Variants in RIT2 observed in about 807,000 individuals in gnomAD.
The protein encoded by RIT2 is GTP-binding protein Rit2.
In RIT2, 24 loss-of-function variants were observed where a neutral mutation model predicts 23.7. That is an observed-to-expected ratio of 1.01 (90% CI 0.73 to 1.43). The LOEUF is 1.43. Ranked by LOEUF, RIT2 falls within the 40% of genes most tolerant of loss-of-function variation. RIT2 has a pLI of 0.00. For synonymous variants in RIT2, 107 were observed against 91.1 expected (o/e 1.17, Z -0.99); for missense variants, 236 against 266.9 (o/e 0.88, Z 0.81).
At chr18:42,790,176 A>C (rs1208336581) in intron 4 of RIT2, among the ~76,000 whole-genome samples, 3 of 152,118 alleles carry the variant, frequency 2.0e-5, no homozygotes, top group Non-Finnish European at 4.4e-5. Flanking sequence ...ACAAATCCGA[A>C]ATTTCATATT....
chr18:42,767,589 G>T (rs910930837), intron 4 of RIT2, among the ~76,000 whole-genome samples: 2 of 152,130 alleles, frequency 1.3e-5, no homozygotes, highest in South Asian at 4.1e-4. Flanking sequence ...ATGCTGAAAT[G>T]AATTAAGACT....
At chr18:42,743,915 C>T (rs1028186869) in intron 4 of RIT2, among the ~76,000 whole-genome samples, 195 bp from the exon 5 acceptor site, 5 of 152,062 alleles carry the variant, frequency 3.3e-5, no homozygotes, top group Admixed American at 6.6e-5. Context: ...TGCCCTGCCC[C>T]GCCTTAACTG....
At chr18:42,990,845 G>T (rs1490911721) in intron 2 of RIT2, among the ~76,000 whole-genome samples, 1 of 151,778 alleles carries the variant, frequency 6.6e-6, no homozygotes, top group Non-Finnish European at 1.5e-5. Context: ...CCAATAGGAG[G>T]GGGTTGGGAG....
chr18:42,880,804 C>CTT (rs397966126), intron 4 of RIT2, among the ~76,000 whole-genome samples: 3,572 of 115,520 alleles, frequency 0.031, 233 homozygotes, highest in African/African-American at 0.098. Context: ...CTTCCTACCT[C>CTT]TTTTTTTTTT....
intron 4 of RIT2, among the ~76,000 whole-genome samples, chr18:42,839,574 A>G (rs962744366): frequency 6.6e-6 from 1 of 152,218 alleles, no homozygotes; most frequent in Non-Finnish European, 1.5e-5. Context: ...ACTATAATGT[A>G]ACAAAGTCCT....
intron 2 of RIT2, among the ~76,000 whole-genome samples, chr18:43,020,484 T>TAAAAC (rs771268336): frequency 1.8e-4 from 28 of 151,748 alleles, no homozygotes; most frequent in Admixed American, 1.3e-3. Flanking sequence ...AGACTCTGTC[T>TAAAAC]AAAACAAAAC....
intron 3 of RIT2, among the ~76,000 whole-genome samples, chr18:42,937,749 T>A (rs1354791410): frequency 6.6e-6 from 1 of 152,140 alleles, no homozygotes; most frequent in Non-Finnish European, 1.5e-5. Context: ...GGAGTTAACA[T>A]AAGTTGTAAA....
intron 2 of RIT2, among the ~76,000 whole-genome samples, chr18:43,000,992 T>C (rs886170739): frequency 6.6e-6 from 1 of 152,120 alleles, no homozygotes; most frequent in African/African-American, 2.4e-5. Context: ...TCTGCATTTA[T>C]TTAAAACAAT....
At chr18:43,033,065 C>T (rs1161999306) in intron 2 of RIT2, among the ~76,000 whole-genome samples, 6 of 152,118 alleles carry the variant, frequency 3.9e-5, no homozygotes, top group Non-Finnish European at 8.8e-5. Flanking sequence ...GGAAATAATG[C>T]TTGATGTGTT....
intron 2 of RIT2, 109 bp downstream of exon 2, chr18:43,033,702 G>A: frequency 1.3e-6 from 1 of 764,500 alleles, no homozygotes; most frequent in African/African-American, 1.8e-5. Flanking sequence ...ATGTGTTCTG[G>A]GTCATAGAGT....
intron 2 of RIT2, among the ~76,000 whole-genome samples, chr18:43,016,663 T>C (rs928469041): frequency 2.0e-5 from 3 of 151,888 alleles, no homozygotes; most frequent in African/African-American, 4.8e-5. Flanking sequence ...TTTGTACTAA[T>C]GAGAATGCAC....
At chr18:42,988,672 A>G (rs1910770697) in intron 2 of RIT2, among the ~76,000 whole-genome samples, 1 of 152,238 alleles carries the variant, frequency 6.6e-6, no homozygotes, top group Non-Finnish European at 1.5e-5. Context: ...GCTATTATCA[A>G]CCACAAACAC....
At chr18:43,105,501 G>GGAGGAAGA (rs1568083839) in intron 1 of RIT2, among the ~76,000 whole-genome samples, 1 of 150,590 alleles carries the variant, frequency 6.6e-6, no homozygotes, top group African/African-American at 2.5e-5. Context: ...AGGAAGAAAG[G>GGAGGAAGA]GAGGGAGGGA....
intron 2 of RIT2, among the ~76,000 whole-genome samples, chr18:42,992,401 G>A (rs556167689): frequency 6.6e-5 from 10 of 151,996 alleles, no homozygotes; most frequent in Admixed American, 2.0e-4. Context: ...TTTACACATC[G>A]GTCCCTCCCT....
chr18:42,903,920 A>G (rs1908544583), intron 4 of RIT2, among the ~76,000 whole-genome samples: 1 of 152,152 alleles, frequency 6.6e-6, no homozygotes, highest in Non-Finnish European at 1.5e-5. Context: ...AAACTAGGCA[A>G]ATTAATTATA....
intron 3 of RIT2, among the ~76,000 whole-genome samples, chr18:42,935,794 C>T (rs1215096872): frequency 1.3e-5 from 2 of 151,970 alleles, no homozygotes; most frequent in Non-Finnish European, 2.9e-5. Context: ...GGGAGCGGGC[C>T]CCAGCAAGTG....
chr18:43,082,143 A>G (rs1913171698), intron 1 of RIT2, among the ~76,000 whole-genome samples: 1 of 152,124 alleles, frequency 6.6e-6, no homozygotes, highest in Non-Finnish European at 1.5e-5. Context: ...GTGTCCAGGA[A>G]TTTATCCATT....
At chr18:42,834,187 C>T (rs967509293) in intron 4 of RIT2, among the ~76,000 whole-genome samples, 2 of 152,160 alleles carry the variant, frequency 1.3e-5, no homozygotes, top group South Asian at 4.1e-4. Flanking sequence ...TACCATGAAG[C>T]TCACAAGGAG....
chr18:42,905,981 TATATATATATGTATATATATATATAC>T (rs1481878963), intron 4 of RIT2, among the ~76,000 whole-genome samples: 1 of 1,120 alleles, frequency 8.9e-4, no homozygotes, highest in Non-Finnish European at 2.5e-3. Flanking sequence ...AATTGAAATA[TATATATATATGTATATATATATATAC>T]ATATATATAT....
Sources: allele counts gnomAD v4.1 joint callset (sites outside exome capture counted in the v4.1 genomes callset), GRCh38; gene constraint gnomAD v4.1.1; transcripts MANE v1.5; gene names NCBI Gene and HGNC (gene_info 2026-07-23, HGNC 2026-07-21).